The following THSD4 variants were observed in gnomAD, a reference collection of about 807,000 sequenced individuals.
The protein encoded by THSD4 is thrombospondin type 1 domain containing 4.
THSD4 carries 69 observed loss-of-function variants against 119.0 expected under a neutral mutation model. The ratio of observed to expected loss-of-function variants is 0.58; its 90% CI spans 0.48 to 0.71. The LOEUF (loss-of-function observed/expected upper bound fraction) is 0.71, where lower values mean the gene tolerates loss of function less well. Among genes scored for constraint, THSD4 ranks in the 30% least tolerant of loss-of-function variants. The pLI is 0.00. For synonymous variants in THSD4, 524 were observed against 540.4 expected (o/e 0.97, Z 0.42); for missense variants, 1,393 against 1,391.1 (o/e 1.00, Z -0.02).
At chr15:71,544,681 G>A (rs562892471) in intron 7 of THSD4, among the ~76,000 whole-genome samples, 55 of 152,294 alleles carry the variant, frequency 3.6e-4, no homozygotes, top group African/African-American at 1.3e-3. Flanking sequence ...ATTGAAAGCA[G>A]GGATTCAAAC....
At chr15:71,535,477 G>A (rs1325380616) in intron 7 of THSD4, among the ~76,000 whole-genome samples, 1 of 152,090 alleles carries the variant, frequency 6.6e-6, no homozygotes, top group Non-Finnish European at 1.5e-5. Flanking sequence ...TTTCTCTTAG[G>A]TATATATCTA....
At chr15:71,638,670 G>A (rs763809150) in intron 7 of THSD4, among the ~76,000 whole-genome samples, 6 of 152,152 alleles carry the variant, frequency 3.9e-5, no homozygotes, top group African/African-American at 1.2e-4. Flanking sequence ...GAAAGAATTC[G>A]AGATCTAGTT....
chr15:71,558,316 A>C lies in THSD4; in HGVS notation c.1153-102214A>C, dbSNP rs563673571. On this transcript the variant is annotated intron_variant, in intron 7 of 17. Transcript: ENST00000261862. The stretch of plus-strand genomic sequence containing the variant: ...GCACTCCAGCCTGGGTGACAGAATG[A>C]GACTCTGTTTCAGAAAAAAATATAT... Among the ~76,000 whole-genome samples the C allele has an allele frequency of 7.2e-5, 11 of 152,288 alleles. 1 individual carries two copies. In the South Asian group the frequency reaches 2.3e-3, roughly 32 times the overall value.
intron 8 of THSD4, among the ~76,000 whole-genome samples, chr15:71,702,604 G>A (rs1323137907): frequency 6.6e-6 from 1 of 152,150 alleles, no homozygotes; most frequent in African/African-American, 2.4e-5. Flanking sequence ...ACCTCCAGAA[G>A]AGCCAACATG....
intron 6 of THSD4, among the ~76,000 whole-genome samples, chr15:71,275,685 C>T (rs1239733890): frequency 1.3e-5 from 2 of 152,174 alleles, no homozygotes; most frequent in Non-Finnish European, 2.9e-5. Flanking sequence ...ATAATCCCCA[C>T]CTGTTATGGG....
chr15:71,149,872 C>T (rs2040703043), intron 2 of THSD4, among the ~76,000 whole-genome samples: 2 of 152,006 alleles, frequency 1.3e-5, no homozygotes, highest in African/African-American at 4.8e-5. Flanking sequence ...TACAGAAGCC[C>T]AGAGCTCCAG....
intron 7 of THSD4, among the ~76,000 whole-genome samples, chr15:71,512,724 G>A (rs2048300651): frequency 6.6e-6 from 1 of 151,642 alleles, no homozygotes; most frequent in East Asian, 1.9e-4. Flanking sequence ...AACAATACTA[G>A]AATTCTTTTC....
At chr15:71,682,587 T>C (rs398057818) in intron 8 of THSD4, among the ~76,000 whole-genome samples, 1,689 of 140,996 alleles carry the variant, frequency 0.012, 37 homozygotes, top group African/African-American at 0.041. Context: ...TTTTTTTTTT[T>C]CTCAACATTT....
chr15:71,425,029 T>G (rs1399153200), intron 7 of THSD4, among the ~76,000 whole-genome samples: 1 of 152,028 alleles, frequency 6.6e-6, no homozygotes, highest in Non-Finnish European at 1.5e-5. Context: ...CCGAAAAAAG[T>G]GTTTGGTTGA....
rs1037365287 is a variant in THSD4, at chr15:71,573,360, G to A, written c.1153-87170G>A. Among the ~76,000 whole-genome samples, 10 of 152,306 alleles carry A rather than the reference G, an allele frequency of 6.6e-5. No homozygotes were observed. In the East Asian group the frequency reaches 9.6e-4, roughly 15 times the overall value. ...TCTTAGAAAGACATTTAGGAGGGAC[G>A]TGGGTGAAAATTTTTAATCTGAAAT... On this transcript the variant is annotated intron_variant, in intron 7 of 17. Coordinates refer to ENST00000261862, the MANE Select transcript of THSD4 (RefSeq NM_024817.3).
At chr15:71,263,441 G>A (rs1029947062) in intron 6 of THSD4, among the ~76,000 whole-genome samples, 1 of 151,428 alleles carries the variant, frequency 6.6e-6, no homozygotes, top group African/African-American at 2.4e-5. Context: ...GAACATACAT[G>A]CATATGTTCA....
intron 6 of THSD4, among the ~76,000 whole-genome samples, chr15:71,354,247 C>T (rs1008749086): frequency 7.9e-5 from 12 of 152,112 alleles, no homozygotes; most frequent in East Asian, 1.9e-4. Flanking sequence ...GTGAGCCATG[C>T]GCCTGCCACT....
chr15:71,297,039 A>C (rs897238083), intron 6 of THSD4, among the ~76,000 whole-genome samples: 1 of 152,000 alleles, frequency 6.6e-6, no homozygotes, highest in Non-Finnish European at 1.5e-5. Context: ...TCTTTTCATG[A>C]GCTTATTGCC....
intron 3 of THSD4, among the ~76,000 whole-genome samples, chr15:71,199,704 C>CA (rs2043767918): frequency 1.2e-4 from 3 of 24,660 alleles, no homozygotes; most frequent in African/African-American, 4.9e-4. Context: ...TGTGTGGTGT[C>CA]TGGGTGTGTG....
chr15:71,657,402 C>T (rs1353558301), intron 7 of THSD4, among the ~76,000 whole-genome samples: 2 of 152,220 alleles, frequency 1.3e-5, no homozygotes, highest in Non-Finnish European at 2.9e-5. Context: ...ATCATCTGAT[C>T]TTCACAACAG....
chr15:71,152,371 G>A (rs955030188), intron 2 of THSD4, among the ~76,000 whole-genome samples: 1 of 151,132 alleles, frequency 6.6e-6, no homozygotes, highest in Non-Finnish European at 1.5e-5. Flanking sequence ...GCAGTGAGCC[G>A]AGATCAAGCC....
intron 17 of THSD4, 98 bp downstream of exon 17, chr15:71,771,306 T>A: frequency 6.8e-7 from 1 of 1,466,406 alleles, no homozygotes; most frequent in Non-Finnish European, 9.3e-7. Flanking sequence ...GGTCTTTCTG[T>A]GACCTTGCAC....
At chr15:71,600,811 A>G (rs1418587858) in intron 7 of THSD4, among the ~76,000 whole-genome samples, 2 of 151,348 alleles carry the variant, frequency 1.3e-5, no homozygotes, top group African/African-American at 4.9e-5. Flanking sequence ...CTGTGGCGCA[A>G]TCTCAGCTCA....
chr15:71,105,043 G>A (rs1245128672), intron 1 of THSD4, among the ~76,000 whole-genome samples: 4 of 152,016 alleles, frequency 2.6e-5, no homozygotes, highest in Admixed American at 2.6e-4. Flanking sequence ...AAAAGGGTGG[G>A]GATATATCAC....
Sources: allele counts gnomAD v4.1 joint callset (sites outside exome capture counted in the v4.1 genomes callset), GRCh38; gene constraint gnomAD v4.1.1; transcripts MANE v1.5; gene names NCBI Gene and HGNC (gene_info 2026-07-23, HGNC 2026-07-21).